Variants in SNAPC5 observed in about 807,000 individuals in gnomAD.
The protein encoded by SNAPC5 is small nuclear RNA activating complex polypeptide 5, also known as snRNA-activating protein complex subunit 5.
A neutral mutation model predicts 9.1 loss-of-function variants in SNAPC5; 12 were observed. That is an observed-to-expected ratio of 1.32 (90% CI 0.85 to 2.15). The LOEUF is 2.15. Ranked by LOEUF, SNAPC5 falls within the 30% of genes most tolerant of loss-of-function variation. The probability of loss-of-function intolerance (pLI) is 0.00; values close to 1 mark genes in which losing one functional copy is unlikely to be tolerated. For synonymous variants in SNAPC5, 52 were observed against 47.3 expected (o/e 1.10, Z -0.41); for missense variants, 132 against 114.4 (o/e 1.15, Z -0.70).
downstream of SNAPC5, chr15:66,491,358 G>C (rs1893251268): frequency 1.3e-5 from 3 of 233,146 alleles, no homozygotes; most frequent in South Asian, 1.8e-4. Flanking sequence ...GTCACAAATT[G>C]ATCAAGATAT....
chr15:66,494,434 C>G lies in SNAPC5; in HGVS notation c.*2G>C, dbSNP rs1431467570. 1 of 1,601,838 alleles carries G rather than the reference C, an allele frequency of 6.2e-7. No individual in the cohort carries two copies. ...ACTGACCAGCCTGGCTTTCCCCCTCCTTTAGGAATCTGATTCTTCTTCCTC... is the reference window on the plus strand; with the variant it reads ...ACTGACCAGCCTGGCTTTCCCCCTCGTTTAGGAATCTGATTCTTCTTCCTC... On this transcript the variant is annotated 3_prime_UTR_variant, in exon 3 of 3. Coordinates refer to ENST00000316634, the MANE Select transcript of SNAPC5 (RefSeq NM_001329615.2).
At chr15:66,495,180 C>T (rs74765803) in intron 2 of SNAPC5, 150 bp downstream of exon 2, 40,655 of 680,554 alleles carry the variant, frequency 0.06, 1,774 homozygotes, top group East Asian at 0.19. Flanking sequence ...GGAGAGTTGC[C>T]ACCTTATTAA....
chr15:66,496,799 T>C (rs1226416332), intron 1 of SNAPC5, among the ~76,000 whole-genome samples: 1 of 152,076 alleles, frequency 6.6e-6, no homozygotes, highest in Non-Finnish European at 1.5e-5. Flanking sequence ...GAAACCAGCC[T>C]GGGCAACATG....
intron 2 of SNAPC5, 32 bp from the exon 3 acceptor site, chr15:66,494,584 G>C: frequency 6.7e-7 from 1 of 1,492,226 alleles, no homozygotes; most frequent in Non-Finnish European, 9.3e-7. Context: ...CAGATTAGCA[G>C]GAAAGATGCT....
intron 1 of SNAPC5, among the ~76,000 whole-genome samples, chr15:66,496,378 T>C (rs575408456): frequency 4.0e-4 from 61 of 152,020 alleles, no homozygotes; most frequent in Non-Finnish European, 7.6e-4. Flanking sequence ...GACAGGAGAA[T>C]CCCTTGAACC....
intron 1 of SNAPC5, among the ~76,000 whole-genome samples, chr15:66,495,848 G>T (rs1347740442): frequency 6.6e-6 from 1 of 152,232 alleles, no homozygotes; most frequent in Non-Finnish European, 1.5e-5. Flanking sequence ...GGGCTTTGGA[G>T]GTGGTCATCA....
chr15:66,495,183 C>G (rs1333026312), intron 2 of SNAPC5, 147 bp downstream of exon 2: 1 of 686,656 alleles, frequency 1.5e-6, no homozygotes, highest in Non-Finnish European at 2.7e-6. Flanking sequence ...GAGTTGCCAC[C>G]TTATTAAACC....
downstream of SNAPC5, chr15:66,490,549 A>T (rs1469820569): frequency 1.9e-6 from 3 of 1,614,142 alleles, no homozygotes; most frequent in Non-Finnish European, 2.5e-6. Flanking sequence ...TGGATTTTGC[A>T]GGTTGGCTCT....
At chr15:66,495,206 T>G (rs888221980) in intron 2 of SNAPC5, 124 bp downstream of exon 2, 2 of 751,286 alleles carry the variant, frequency 2.7e-6, no homozygotes, top group African/African-American at 3.4e-5. Flanking sequence ...AAAACTGTTA[T>G]CAGCACTTCT....
At chr15:66,491,670 G>T (rs1367894904), downstream of SNAPC5, 1 of 232,308 alleles carries the variant, frequency 4.3e-6, no homozygotes, top group South Asian at 5.5e-5. Flanking sequence ...ACAGGACACC[G>T]AGTTCAGTGC....
chr15:66,491,580 G>GTACA (rs923715591), downstream of SNAPC5: 4 of 182,142 alleles, frequency 2.2e-5, no homozygotes, highest in Non-Finnish European at 3.5e-5. Flanking sequence ...AGTTTCTTTA[G>GTACA]TACACAAGAA....
rs756226528 is a variant in SNAPC5, at chr15:66,497,757, C to G, written c.-26G>C. The G allele has an allele frequency of 1.5e-5, 24 of 1,584,750 alleles. No homozygotes were observed. Among genetic ancestry groups the G allele is most frequent in the Non-Finnish European group, 1.9e-5 (22 of 1,157,592 alleles). Reference sequence around the variant, plus strand: ...GTTGCCTGGTCACATAGCCAACCTCCGGGCTGCTGTCGGCCCGGCACTCGG... The same window carrying G: ...GTTGCCTGGTCACATAGCCAACCTCGGGGCTGCTGTCGGCCCGGCACTCGG... On this transcript the variant is annotated 5_prime_UTR_variant, in exon 1 of 3. Coordinates refer to ENST00000316634, the MANE Select transcript of SNAPC5 (RefSeq NM_001329615.2).
chr15:66,497,080 A>C (rs1893462082), intron 1 of SNAPC5: 1 of 161,718 alleles, frequency 6.2e-6, no homozygotes, highest in Non-Finnish European at 1.4e-5. Context: ...CGTGGGCCTA[A>C]ATCCCGACTC....
At chr15:66,492,316 A>G (rs541093458), downstream of SNAPC5, 4 of 254,682 alleles carry the variant, frequency 1.6e-5, 1 homozygote, top group South Asian at 1.6e-4. Flanking sequence ...ATTAAAAACA[A>G]AACTTGGGTA....
rs747021147 is a variant in SNAPC5, at chr15:66,497,671, C to A, written c.61G>T (p.Ala21Ser). 1.6e-5 allele frequency: 26 copies of A among 1,614,024 alleles called. No homozygotes were observed. Among genetic ancestry groups the A allele is most frequent in the Non-Finnish European group, 2.1e-5 (25 of 1,180,002 alleles). The change falls in exon 1 of 3, where the codon GCC becomes TCC. Residue 21 changes from alanine (A) to serine (S), a missense_variant. By Grantham distance (99) the Ala-to-Ser change is moderately conservative. Coordinates refer to ENST00000316634, the MANE Select transcript of SNAPC5 (RefSeq NM_001329615.2). ...AGGCGGTTCAGCTGGTCGTGCAGGGCTGCCTTCAACCGCAGCAGCGTCTCC... is the reference window on the plus strand; with the variant it reads ...AGGCGGTTCAGCTGGTCGTGCAGGGATGCCTTCAACCGCAGCAGCGTCTCC... Reference protein sequence around the residue: ...EEETLLRLKAALHDQLNRLKV... With the variant: ...EEETLLRLKASLHDQLNRLKV...
At chr15:66,491,395 T>C (rs770655370), downstream of SNAPC5, 40 of 231,170 alleles carry the variant, frequency 1.7e-4, no homozygotes, top group Non-Finnish European at 2.4e-4. Flanking sequence ...TCTTTCCCCA[T>C]ATCCAAGTAC....
chr15:66,495,532 ATC>A (rs1424560138), intron 1 of SNAPC5, 113 bp from the exon 2 acceptor site: 1 of 687,326 alleles, frequency 1.5e-6, no homozygotes, highest in Non-Finnish European at 2.7e-6. Flanking sequence ...AATGAAAACT[ATC>A]TCTGTGTTGC....
downstream of SNAPC5, chr15:66,490,926 T>C (rs1893236017): frequency 6.4e-6 from 3 of 471,600 alleles, no homozygotes; most frequent in South Asian, 6.3e-5. Flanking sequence ...ATTCTTACAA[T>C]TGCACTGCTG....
intron 1 of SNAPC5, chr15:66,496,832 A>C (rs1376852281): frequency 6.6e-6 from 1 of 152,248 alleles, no homozygotes; most frequent in Non-Finnish European, 1.5e-5. Context: ...CTCTACTAAA[A>C]ATACAAAAAT....
Sources: gnomAD v4.1 joint callset for allele counts (sites outside exome capture counted in the v4.1 genomes callset) on GRCh38, gnomAD v4.1.1 for gene constraint, MANE v1.5 for transcripts, NCBI Gene and HGNC (gene_info 2026-07-23, HGNC 2026-07-21) for gene names.